Variants in KCNH1 observed in about 807,000 individuals in gnomAD.
KCNH1 encodes the protein voltage-gated delayed rectifier potassium channel KCNH1.
In KCNH1, 27 loss-of-function variants were observed where a neutral mutation model predicts 69.2. That is an observed-to-expected ratio of 0.39 (90% CI 0.29 to 0.54). The LOEUF (loss-of-function observed/expected upper bound fraction) is 0.54, where lower values mean the gene tolerates loss of function less well. KCNH1 is among the 20% of genes least tolerant of loss of function. The pLI, the probability that KCNH1 is intolerant of heterozygous loss-of-function variation, is 0.68. For synonymous variants in KCNH1, 456 were observed against 487.7 expected, an observed-to-expected ratio of 0.93 and a Z score of 0.86; for missense variants, 798 against 1,261.6, an observed-to-expected ratio of 0.63 and a Z score of 5.57.
intron 8 of KCNH1, among the ~76,000 whole-genome samples, chr1:210,800,950 T>A (rs1684415493): frequency 6.6e-6 from 1 of 152,220 alleles, no homozygotes; most frequent in South Asian, 2.1e-4. Flanking sequence ...CCTCTCCCCA[T>A]GTCTTCATTT....
At chr1:210,984,907 C>A (rs955331097) in intron 6 of KCNH1, among the ~76,000 whole-genome samples, 2 of 152,190 alleles carry the variant, frequency 1.3e-5, no homozygotes, top group Admixed American at 6.5e-5. Context: ...GTGAACCCAT[C>A]TGGTCGTGGA....
intron 9 of KCNH1, among the ~76,000 whole-genome samples, chr1:210,775,746 A>T (rs1683846861): frequency 6.6e-6 from 1 of 152,228 alleles, no homozygotes; most frequent in Non-Finnish European, 1.5e-5. Flanking sequence ...AGCAGTTAAC[A>T]CATGCCAAAG....
chr1:210,753,650 A>T lies in KCNH1; in HGVS notation c.2112+21698T>A, dbSNP rs1683330182. On this transcript the variant is annotated intron_variant, in intron 10 of 10. Coordinates refer to ENST00000271751, the MANE Select transcript of KCNH1 (RefSeq NM_172362.3). ...GTAAACTCACTGGGGGGTTGTAGGC[A>T]TGGATTTTTTGTAAACACCATAAAA... is the stretch of plus-strand genomic sequence containing the variant. 1.3e-5 allele frequency among the ~76,000 whole-genome samples: 2 copies of T among 152,198 alleles called. 1 individual carries two copies. The highest frequency in any genetic ancestry group is 4.1e-4 in the South Asian group (2 of 4,830).
intron 6 of KCNH1, among the ~76,000 whole-genome samples, chr1:210,964,059 A>G (rs1688348504): frequency 6.6e-6 from 1 of 152,224 alleles, no homozygotes; most frequent in Non-Finnish European, 1.5e-5. Flanking sequence ...TGGGTTACCC[A>G]CAAAGGGAAG....
intron 6 of KCNH1, among the ~76,000 whole-genome samples, chr1:210,930,103 T>C (rs1323370342): frequency 6.6e-6 from 1 of 152,150 alleles, no homozygotes; most frequent in Non-Finnish European, 1.5e-5. Context: ...ATGACCACGC[T>C]GTCAAAAACA....
intron 10 of KCNH1, among the ~76,000 whole-genome samples, chr1:210,756,963 A>T (rs1450874133): frequency 1.3e-5 from 2 of 152,234 alleles, no homozygotes; most frequent in African/African-American, 4.8e-5. Flanking sequence ...ACTGATTAGC[A>T]ATTCAGATTC....
intron 10 of KCNH1, among the ~76,000 whole-genome samples, chr1:210,728,344 TAATG>T (rs1682659405): frequency 6.6e-6 from 1 of 152,148 alleles, no homozygotes; most frequent in African/African-American, 2.4e-5. Flanking sequence ...AAGGAATTCT[TAATG>T]AATGGTGAAT....
chr1:211,127,617 T>C (rs1009717897), intron 1 of KCNH1, among the ~76,000 whole-genome samples: 2 of 152,222 alleles, frequency 1.3e-5, no homozygotes, highest in Non-Finnish European at 2.9e-5. Context: ...ATTTTGGTCA[T>C]GTGCTCCTAT....
At chr1:211,028,764 C>A (rs761689723) in intron 5 of KCNH1, among the ~76,000 whole-genome samples, 31 of 152,140 alleles carry the variant, frequency 2.0e-4, no homozygotes, top group Middle Eastern at 3.4e-3. Flanking sequence ...GAATCAAATG[C>A]ATAATTTTAA....
chr1:210,812,386 C>T (rs906100144), intron 7 of KCNH1, among the ~76,000 whole-genome samples: 1 of 152,158 alleles, frequency 6.6e-6, no homozygotes, highest in Non-Finnish European at 1.5e-5. Flanking sequence ...TTCATAGATG[C>T]CAACAGGCAA....
intron 6 of KCNH1, among the ~76,000 whole-genome samples, chr1:210,957,876 G>C (rs937563827): frequency 6.6e-6 from 1 of 152,136 alleles, no homozygotes; most frequent in South Asian, 2.1e-4. Context: ...CAATTTGCCA[G>C]TCTGTGTCTT....
chr1:210,809,498 G>A (rs1172837278), intron 7 of KCNH1, among the ~76,000 whole-genome samples: 1 of 151,904 alleles, frequency 6.6e-6, no homozygotes, highest in Non-Finnish European at 1.5e-5. Context: ...GCTATAGGAG[G>A]GACCATGAAT....
At chr1:210,729,406 C>G (rs114134770) in intron 10 of KCNH1, among the ~76,000 whole-genome samples, 1 of 152,184 alleles carries the variant, frequency 6.6e-6, no homozygotes, top group Non-Finnish European at 1.5e-5. Context: ...TCAATACTTA[C>G]GGCAATAATG....
At position 210,768,704 on chromosome 1, in the gene KCNH1, G is replaced by A. The variant is rs558733783; in HGVS notation, c.2112+6644C>T. ...ATGTGAAGATCTAGCTTTAAAGCCC[G>A]TGTTCATTCCAGAACTTTATTACTT... On this transcript the variant is annotated intron_variant, in intron 10 of 10. Transcript: ENST00000271751. 3.3e-5 allele frequency among the ~76,000 whole-genome samples: 5 copies of A among 152,236 alleles called. No homozygotes were observed. In the South Asian group the frequency reaches 6.2e-4, roughly 19 times the overall value.
At chr1:211,027,476 T>C (rs980328051) in intron 5 of KCNH1, among the ~76,000 whole-genome samples, 3 of 151,970 alleles carry the variant, frequency 2.0e-5, no homozygotes, top group Non-Finnish European at 2.9e-5. Flanking sequence ...TGGTGGTACA[T>C]GCCTGTAGTT....
intron 8 of KCNH1, among the ~76,000 whole-genome samples, chr1:210,802,233 T>A (rs978369054): frequency 1.3e-5 from 2 of 152,226 alleles, no homozygotes. Flanking sequence ...ACCAAAGTAA[T>A]GTTCAAGTTG....
chr1:210,964,762 T>G (rs1478611935), intron 6 of KCNH1, among the ~76,000 whole-genome samples: 2 of 152,124 alleles, frequency 1.3e-5, no homozygotes, highest in African/African-American at 4.8e-5. Context: ...GAGGCCAGCA[T>G]CATCCTGATA....
chr1:210,693,359 C>T (rs1681564552), intron 10 of KCNH1, among the ~76,000 whole-genome samples: 1 of 152,134 alleles, frequency 6.6e-6, no homozygotes, highest in Non-Finnish European at 1.5e-5. Context: ...CTGTCCTAGC[C>T]AGAGCAGTCT....
chr1:210,694,150 A>G (rs1286225092), intron 10 of KCNH1, among the ~76,000 whole-genome samples: 1 of 152,202 alleles, frequency 6.6e-6, no homozygotes, highest in Non-Finnish European at 1.5e-5. Context: ...CTGACAGTGC[A>G]TAATGGGAAA....
Sources: allele counts gnomAD v4.1 joint callset (sites outside exome capture counted in the v4.1 genomes callset), GRCh38; gene constraint gnomAD v4.1.1; transcripts MANE v1.5; gene names NCBI Gene and HGNC (gene_info 2026-07-23, HGNC 2026-07-21).